The following OCA2 variants were observed in gnomAD, a reference collection of about 807,000 sequenced individuals.
OCA2 encodes the protein OCA2 melanosomal transmembrane protein, also known as P protein.
Under a neutral mutation model 100.2 loss-of-function variants are expected in OCA2, and 77 were observed. The ratio of observed to expected loss-of-function variants is 0.77; its 90% confidence interval spans 0.64 to 0.93. The LOEUF is 0.93. Ranked by LOEUF, OCA2 falls within the 40% of genes least tolerant of loss-of-function variation. OCA2 has a pLI of 0.00. For synonymous variants in OCA2, 432 were observed against 439.2 expected (o/e 0.98, Z 0.21); for missense variants, 1,062 against 1,089.1 (o/e 0.98, Z 0.35).
chr15:27,767,155 C>G (rs181976949), intron 23 of OCA2, among the ~76,000 whole-genome samples: 1 of 152,328 alleles, frequency 6.6e-6, no homozygotes, highest in East Asian at 1.9e-4. Context: ...CCTCTAGGAT[C>G]AAGGCTATCA....
chr15:27,906,866 C>G (rs905713498), intron 19 of OCA2, among the ~76,000 whole-genome samples: 1 of 152,190 alleles, frequency 6.6e-6, no homozygotes, highest in African/African-American at 2.4e-5. Context: ...CTGGTGAGGG[C>G]CTCAGGCTGC....
intron 23 of OCA2, among the ~76,000 whole-genome samples, chr15:27,801,586 C>T (rs1450865523): frequency 8.6e-6 from 1 of 116,680 alleles, no homozygotes; most frequent in East Asian, 2.4e-4. Context: ...AGAAGGATAA[C>T]AATACATCAT....
intron 23 of OCA2, among the ~76,000 whole-genome samples, chr15:27,801,178 C>T (rs1196618669): frequency 6.6e-6 from 1 of 152,108 alleles, no homozygotes; most frequent in East Asian, 1.9e-4. Flanking sequence ...AAAGACATTA[C>T]AAGAAAAGGA....
At chr15:27,890,938 T>C (rs1348843716) in intron 19 of OCA2, among the ~76,000 whole-genome samples, 1 of 151,212 alleles carries the variant, frequency 6.6e-6, no homozygotes. Context: ...GGCAGGAAAA[T>C]CACTTGAACC....
At chr15:28,023,133 T>A (rs1389255463) in intron 5 of OCA2, among the ~76,000 whole-genome samples, 1 of 152,046 alleles carries the variant, frequency 6.6e-6, no homozygotes, top group Non-Finnish European at 1.5e-5. Flanking sequence ...CCCTGCCCGG[T>A]TCCTTTGAAA....
At chr15:28,080,363 C>T (rs2044580564) in intron 2 of OCA2, among the ~76,000 whole-genome samples, 1 of 152,160 alleles carries the variant, frequency 6.6e-6, no homozygotes, top group African/African-American at 2.4e-5. Context: ...GGAGCAGAAA[C>T]TGAAAAGCCG....
intron 19 of OCA2, among the ~76,000 whole-genome samples, chr15:27,887,585 T>A (rs186219135): frequency 5.5e-5 from 8 of 145,432 alleles, no homozygotes; most frequent in Non-Finnish European, 1.1e-4. Flanking sequence ...GCTATGGTAT[T>A]CTACTGGGAG....
At chr15:27,951,483 A>G (rs1033370845) in intron 18 of OCA2, among the ~76,000 whole-genome samples, 13 of 152,228 alleles carry the variant, frequency 8.5e-5, no homozygotes, top group African/African-American at 2.9e-4. Flanking sequence ...ATTAACTACA[A>G]TAGACAGGAC....
intron 15 of OCA2, among the ~76,000 whole-genome samples, chr15:27,960,395 G>A (rs912886533): frequency 1.3e-5 from 2 of 152,160 alleles, no homozygotes; most frequent in Admixed American, 6.5e-5. Flanking sequence ...ACATACGCTA[G>A]GGTAGTGTGA....
At chr15:28,074,259 C>G (rs2044355877) in intron 2 of OCA2, among the ~76,000 whole-genome samples, 1 of 152,140 alleles carries the variant, frequency 6.6e-6, no homozygotes, top group South Asian at 2.1e-4. Context: ...TTTCAGGGGG[C>G]CAGGCACGGT....
chr15:27,855,751 A>G (rs1432824518), intron 21 of OCA2, among the ~76,000 whole-genome samples: 2 of 152,226 alleles, frequency 1.3e-5, no homozygotes, highest in Non-Finnish European at 2.9e-5. Flanking sequence ...AAGACACAAA[A>G]ATCCCTGCCC....
the OCA2 span, among the ~76,000 whole-genome samples, chr15:27,732,295 T>C: frequency 6.6e-6 from 1 of 152,170 alleles, no homozygotes; most frequent in East Asian, 1.9e-4. Context: ...AACACACTAA[T>C]GGTGTATGGT....
chr15:27,925,840 A>G (rs1335376626), intron 19 of OCA2, among the ~76,000 whole-genome samples: 1 of 152,218 alleles, frequency 6.6e-6, no homozygotes, highest in Non-Finnish European at 1.5e-5. Flanking sequence ...TTTAGCTCCA[A>G]ACTCAACTTA....
At chr15:28,082,782 T>G (rs934617695) in intron 1 of OCA2, among the ~76,000 whole-genome samples, 14 of 152,182 alleles carry the variant, frequency 9.2e-5, no homozygotes, top group Non-Finnish European at 1.2e-4. Flanking sequence ...TTTTGTTTGA[T>G]CTATGATTTT....
chr15:27,984,592 G>A (rs568305712), intron 13 of OCA2, among the ~76,000 whole-genome samples: 6 of 152,144 alleles, frequency 3.9e-5, no homozygotes, highest in South Asian at 2.1e-4. Context: ...ACGGAGTCTC[G>A]CTCTGTTGCC....
chr15:27,768,993 C>T (rs2031503022), intron 23 of OCA2, among the ~76,000 whole-genome samples: 1 of 152,216 alleles, frequency 6.6e-6, no homozygotes, highest in Non-Finnish European at 1.5e-5. Flanking sequence ...GATGTTATGA[C>T]TTCCTGTCGC....
chr15:27,903,885 T>C (rs2038064766), intron 19 of OCA2, among the ~76,000 whole-genome samples: 1 of 152,272 alleles, frequency 6.6e-6, no homozygotes, highest in Non-Finnish European at 1.5e-5. Context: ...TTGTATAGTA[T>C]TGTAAGTCAC....
intron 7 of OCA2, among the ~76,000 whole-genome samples, chr15:28,018,052 T>C (rs1403327442): frequency 6.6e-6 from 1 of 151,174 alleles, no homozygotes; most frequent in Non-Finnish European, 1.5e-5. Context: ...AAGTGTCTTC[T>C]GAACCCTGAC....
At chr15:27,992,167 G>A (rs1400038091) in intron 9 of OCA2, among the ~76,000 whole-genome samples, 1 of 151,060 alleles carries the variant, frequency 6.6e-6, no homozygotes, top group Non-Finnish European at 1.5e-5. Context: ...GTGGCACCAC[G>A]TTGGCTCACT....
Sources: gnomAD v4.1 joint callset for allele counts (sites outside exome capture counted in the v4.1 genomes callset) on GRCh38, gnomAD v4.1.1 for gene constraint, MANE v1.5 for transcripts, NCBI Gene and HGNC (gene_info 2026-07-23, HGNC 2026-07-21) for gene names.